TMEM140: variants seen among roughly 807,000 people sequenced by gnomAD.
TMEM140 encodes transmembrane protein 140.
For synonymous variants in TMEM140, 107 were observed against 106.8 expected (o/e 1.00, Z -0.01); for missense variants, 236 against 228.5 (o/e 1.03, Z -0.21).
At position 135,161,085 on chromosome 7, in the gene TMEM140, C is replaced by T. The variant is rs1475586231; in HGVS notation, c.-24-3333C>T. ...AGTTCCAAGTCGCACCAGATGATGG[C>T]GAGCCTCATAAGAGCTGGGACTGAA... On this transcript the variant is annotated intron_variant, in intron 1 of 1. Coordinates refer to ENST00000275767, the MANE Select transcript of TMEM140 (RefSeq NM_018295.5). This position sits in a 1 kb window ranked among gnomAD's most constrained non-coding sequence, Gnocchi z 4.1. Among the ~76,000 whole-genome samples the T allele has an allele frequency of 2.0e-5, 3 of 152,288 alleles. No homozygotes were observed. Among genetic ancestry groups the T allele is most frequent in the East Asian group, 3.9e-4 (2 of 5,184 alleles).
In TMEM140 at chr7:135,164,241, A is replaced by T. The variant is rs908440595; in HGVS notation, c.-24-177A>T. Reference sequence around the variant, plus strand: ...CAAATCAGAGGGCAGCTAATGACTTATTTGCAAATAGGTCCTGGCAGGAGG... The same window carrying T: ...CAAATCAGAGGGCAGCTAATGACTTTTTTGCAAATAGGTCCTGGCAGGAGG... On this transcript the variant is annotated intron_variant, in intron 1 of 1. Transcript: ENST00000275767. Among the ~76,000 whole-genome samples, 26 of 152,148 alleles carry T rather than the reference A, an allele frequency of 1.7e-4. No homozygotes were observed. Among genetic ancestry groups the T allele is most frequent in the Non-Finnish European group, 3.2e-4 (22 of 68,024 alleles).
intron 1 of TMEM140, among the ~76,000 whole-genome samples, chr7:135,149,735 C>A (rs977184646): frequency 6.6e-6 from 1 of 152,092 alleles, no homozygotes; most frequent in African/African-American, 2.4e-5. Context: ...TTTTACTTGG[C>A]GTATCTTTAA....
Position 135,151,156 on chromosome 7 carries a change from A to C in TMEM140, c.-25+2886A>C, listed in dbSNP as rs148086299. Among the ~76,000 whole-genome samples, 1 of 152,214 alleles carries C rather than the reference A, an allele frequency of 6.6e-6. No individual in the cohort carries two copies. Among genetic ancestry groups the C allele is most frequent in the Non-Finnish European group, 1.5e-5 (1 of 68,030 alleles). On this transcript the variant is annotated intron_variant, in intron 1 of 1. Transcript: ENST00000275767. This position sits in a 1 kb window ranked among gnomAD's most constrained non-coding sequence, Gnocchi z 4.3. ...TTTATTTACATGGAATAATTAAGTA[A>C]ATCAAAACATCACAGCATTCATTAA... is the stretch of plus-strand genomic sequence containing the variant.
At chr7:135,163,705 G>C (rs947266740) in intron 1 of TMEM140, among the ~76,000 whole-genome samples, 2 of 152,142 alleles carry the variant, frequency 1.3e-5, no homozygotes, top group Non-Finnish European at 2.9e-5. Flanking sequence ...CCATTGTCAG[G>C]AAAAAATATG....
rs918638772 is a variant in TMEM140 at position 135,165,082 on chromosome 7, G to A, written c.*83G>A. 13 of 1,461,034 alleles carry A rather than the reference G, an allele frequency of 8.9e-6. No individual in the cohort carries two copies. Among genetic ancestry groups the A allele is most frequent in the Middle Eastern group, 1.9e-4 (1 of 5,206 alleles). The allele number at this position is 1,461,034 out of a possible 1,614,324, so 90.5% of individuals were successfully genotyped here. ...TCAGCCATCTCATTTTACAGCTAAC[G>A]CTGATCTCCAGCTCCAGCGATGGAA... On this transcript the variant is annotated 3_prime_UTR_variant, in exon 2 of 2. Coordinates refer to ENST00000275767, the MANE Select transcript of TMEM140 (RefSeq NM_018295.5).
chr7:135,158,746 T>C (rs756939541), intron 1 of TMEM140, among the ~76,000 whole-genome samples: 2 of 152,014 alleles, frequency 1.3e-5, no homozygotes, highest in Non-Finnish European at 2.9e-5. Flanking sequence ...TCTGTCTCAA[T>C]AGCAGCCCAC....
At chr7:135,157,374 T>C (rs190039894) in intron 1 of TMEM140, among the ~76,000 whole-genome samples, 7 of 152,354 alleles carry the variant, frequency 4.6e-5, no homozygotes, top group Non-Finnish European at 1.0e-4. Context: ...GGATAGAGTA[T>C]GGTAATTAGC....
chr7:135,148,555 G>T (rs1373207965), intron 1 of TMEM140, among the ~76,000 whole-genome samples: 2 of 152,190 alleles, frequency 1.3e-5, no homozygotes, highest in Non-Finnish European at 2.9e-5. Flanking sequence ...AACGATGCAG[G>T]GCTGACTGCA....
At position 135,161,531 on chromosome 7, in the gene TMEM140, A is replaced by G. The variant is rs1327551754; in HGVS notation, c.-24-2887A>G. Among the ~76,000 whole-genome samples, 3 of 152,238 alleles carry G rather than the reference A, an allele frequency of 2.0e-5. No individual in the cohort carries two copies. The highest frequency in any genetic ancestry group is 1.9e-4 in the East Asian group (1 of 5,198). On this transcript the variant is annotated intron_variant, in intron 1 of 1. Transcript: ENST00000275767. The surrounding 1 kb of genome is among the most constrained non-coding windows in gnomAD (Gnocchi z 4.1). The stretch of plus-strand genomic sequence containing the variant: ...TCCACACCCTAAAATACCCAAACCC[A>G]TTAAAAGCACAGATATAGGCTTTTA...
chr7:135,149,609 CTGAAAGTTTGTACAAA>C (rs1477577753), intron 1 of TMEM140, among the ~76,000 whole-genome samples: 1 of 152,156 alleles, frequency 6.6e-6, no homozygotes, highest in Non-Finnish European at 1.5e-5. Context: ...ATCTGCCTCC[CTGAAAGTTTGTACAAA>C]TGTTCACATC....
At chr7:135,159,486 G>A (rs1829875549) in intron 1 of TMEM140, among the ~76,000 whole-genome samples, 1 of 152,122 alleles carries the variant, frequency 6.6e-6, no homozygotes, top group Non-Finnish European at 1.5e-5. Flanking sequence ...TCCCTAACTA[G>A]GAATTTGTAT....
intron 1 of TMEM140, among the ~76,000 whole-genome samples, chr7:135,158,378 C>A (rs1289495287): frequency 6.6e-6 from 1 of 152,146 alleles, no homozygotes; most frequent in East Asian, 1.9e-4. Flanking sequence ...AGGGGTGCTG[C>A]CCAACATTAA....
chr7:135,164,771 G>A lies in TMEM140; in HGVS notation c.330G>A (p.Glu110=), dbSNP rs767560540. The change falls in exon 2 of 2, where the codon GAG becomes GAA. Residue 110 remains glutamate, a synonymous_variant. Transcript: ENST00000275767. ...PLLLAQCNSD[E]RAWRLAVGFL... is the part of the protein sequence containing the mutation. ...TCCTAGCCCAGTGCAACAGTGATGA[G>A]AGAGCGTGGCGGCTGGCAGTGGGCT... 1 of 1,614,224 alleles carries A rather than the reference G, an allele frequency of 6.2e-7. No homozygotes were observed. Among genetic ancestry groups the A allele is most frequent in the Admixed American group, 1.7e-5 (1 of 60,038 alleles).
In TMEM140 at chr7:135,165,858, T is replaced by A. The variant is rs897518666; in HGVS notation, c.*859T>A. 6.0e-6 allele frequency: 1 copy of A among 167,086 alleles called. No individual in the cohort carries two copies. The highest frequency in any genetic ancestry group is 1.5e-5 in the Non-Finnish European group (1 of 68,128). The allele number at this position is 167,086 out of a possible 1,614,324, so 10.4% of individuals were successfully genotyped here. A position where few individuals can be genotyped will look rare whatever the true frequency, so the allele number is the denominator to read the frequency against. On this transcript the variant is annotated 3_prime_UTR_variant, in exon 2 of 2. Coordinates refer to ENST00000275767, the MANE Select transcript of TMEM140 (RefSeq NM_018295.5). The stretch of plus-strand genomic sequence containing the variant: ...GTATGGCAGTGATTTATTCATATAT[T>A]CCTGTCCAAAGCCACACTGAAAACA...
intron 1 of TMEM140, among the ~76,000 whole-genome samples, chr7:135,156,695 TTATC>T (rs1465792127): frequency 3.9e-5 from 6 of 152,204 alleles, no homozygotes; most frequent in Non-Finnish European, 5.9e-5. Flanking sequence ...TTTGAATTCT[TTATC>T]TAGCATTTTG....
chr7:135,164,758 G>T lies in TMEM140; in HGVS notation c.317G>T (p.Cys106Phe), dbSNP rs1830044247. 1 of 1,614,124 alleles carries T rather than the reference G, an allele frequency of 6.2e-7. No homozygotes were observed. The highest frequency in any genetic ancestry group is 1.3e-5 in the African/African-American group (1 of 74,950). The change falls in exon 2 of 2, where the codon TGC becomes TTC. Residue 106 changes from cysteine to phenylalanine, a missense_variant. Transcript: ENST00000275767. ...FAPQPLLLAQ[C>F]NSDERAWRLA... ...CCCCAGCCTCTCCTCCTAGCCCAGT[G>T]CAACAGTGATGAGAGAGCGTGGCGG...
intron 1 of TMEM140, among the ~76,000 whole-genome samples, chr7:135,163,577 A>G (rs1830004227): frequency 6.6e-6 from 1 of 152,184 alleles, no homozygotes; most frequent in African/African-American, 2.4e-5. Flanking sequence ...CCCGGGAGGC[A>G]GAGATTGCAG....
Position 135,161,783 on chromosome 7 carries a change from G to A in TMEM140, c.-24-2635G>A, listed in dbSNP as rs138586724. ...GCCCTCTGGGACCTCCAGAGCCTTT[G>A]ACAGTGCCACCCAAGGCAGCAGCCA... On this transcript the variant is annotated intron_variant, in intron 1 of 1. Coordinates refer to ENST00000275767, the MANE Select transcript of TMEM140 (RefSeq NM_018295.5). This position sits in a 1 kb window ranked among gnomAD's most constrained non-coding sequence, Gnocchi z 4.1. 2.1e-3 allele frequency among the ~76,000 whole-genome samples: 320 copies of A among 152,274 alleles called. 1 individual carries two copies. The highest frequency in any genetic ancestry group is 7.0e-3 in the African/African-American group (292 of 41,550).
chr7:135,160,850 C>T (rs1376357530), intron 1 of TMEM140, among the ~76,000 whole-genome samples: 1 of 152,064 alleles, frequency 6.6e-6, no homozygotes, highest in Admixed American at 6.5e-5. Flanking sequence ...TATAGCTAAA[C>T]CAGAGTGTGG....
Sources: gnomAD v4.1 joint callset for allele counts (sites outside exome capture counted in the v4.1 genomes callset) on GRCh38, gnomAD v4.1.1 for gene constraint, Gnocchi (gnomAD v3.1) non-coding constraint, MANE v1.5 for transcripts, NCBI Gene and HGNC (gene_info 2026-07-23, HGNC 2026-07-21) for gene names.